CERK: variants seen among roughly 807,000 people sequenced by gnomAD.
CERK encodes the protein acylsphingosine kinase.
In CERK, 39 loss-of-function variants were observed where a neutral mutation model predicts 63.4. The observed-to-expected ratio is 0.61, with a 90% CI of 0.48 to 0.80. The LOEUF (loss-of-function observed/expected upper bound fraction) is 0.80. Ranked by LOEUF, CERK falls within the 30% of genes least tolerant of loss-of-function variation. The probability of loss-of-function intolerance (pLI) is 0.00; values close to 1 mark genes in which losing one functional copy is unlikely to be tolerated. For missense variants in CERK, 670 were observed against 714.1 expected (o/e 0.94, Z 0.70); for synonymous variants, 302 against 280.0 (o/e 1.08, Z -0.78).
In CERK at chr22:46,707,980, C is replaced by T; in HGVS notation, c.578G>A (p.Cys193Tyr). 4 of 1,605,844 alleles carry T rather than the reference C, an allele frequency of 2.5e-6. No individual in the cohort carries two copies. Among genetic ancestry groups the T allele is most frequent in the Non-Finnish European group, 3.4e-6 (4 of 1,174,206 alleles). ...INIDKYDGIV[C>Y]VGGDGMFSEV... ...GCTGAACATACCATCTCCGCCGACA[C>T]AGACGATGCTGCAGGAGGAACACAG... Residue 193 changes from cysteine to tyrosine, a missense_variant, in exon 6 of 13, where the codon TGT becomes TAT. By Grantham distance (194) the Cys-to-Tyr change is radical. Coordinates refer to ENST00000216264, the MANE Select transcript of CERK (RefSeq NM_022766.6).
rs372429405 is a variant in CERK at position 46,685,986 on chromosome 22, G to A, written c.*1148C>T. On this transcript the variant is annotated 3_prime_UTR_variant, in exon 13 of 13. Transcript: ENST00000216264. ...TTACAGACATCATCTACGTGGGCAC[G>A]GATACACACTAAACAAGGACGTAGT... is the stretch of plus-strand genomic sequence containing the variant. 6.6e-6 allele frequency: 1 copy of A among 152,118 alleles called. No homozygotes were observed. The highest frequency in any genetic ancestry group is 1.5e-5 in the Non-Finnish European group (1 of 68,048). The allele number at this position is 152,118 out of a possible 1,614,324, so 9.4% of individuals were successfully genotyped here.
At chr22:46,736,692 C>T (rs901668386) in intron 1 of CERK, among the ~76,000 whole-genome samples, 1 of 152,118 alleles carries the variant, frequency 6.6e-6, no homozygotes, top group Non-Finnish European at 1.5e-5. Flanking sequence ...TCTCAGATGC[C>T]CAGCCACAGA....
chr22:46,706,248 CAG>C (rs1000111192), intron 6 of CERK, among the ~76,000 whole-genome samples: 1 of 152,208 alleles, frequency 6.6e-6, no homozygotes, highest in Admixed American at 6.5e-5. Flanking sequence ...GTGGGGAAGA[CAG>C]ACATCAGCCA....
rs1445021566 is a variant in CERK, at chr22:46,738,153, G to A, written c.-5C>T. On this transcript the variant is annotated 5_prime_UTR_variant, in exon 1 of 13. Transcript: ENST00000216264. ...CGCCGCCCCCGTCGCCCCCATCTCC[G>A]CCGCCGGGCTCGTCCGCCAGGCTGG... is the stretch of plus-strand genomic sequence containing the variant. 8.5e-7 allele frequency: 1 copy of A among 1,179,280 alleles called. No individual in the cohort carries two copies. The allele number at this position is 1,179,280 out of a possible 1,614,324, so 73.1% of individuals were successfully genotyped here.
chr22:46,702,367 T>C (rs888015912), intron 6 of CERK, among the ~76,000 whole-genome samples: 1 of 151,126 alleles, frequency 6.6e-6, no homozygotes, highest in Non-Finnish European at 1.5e-5. Context: ...TGATCTTGGC[T>C]CACTGCAACC....
chr22:46,701,822 C>A, intron 6 of CERK, 112 bp from the exon 7 acceptor site: 1 of 685,328 alleles, frequency 1.5e-6, no homozygotes, highest in African/African-American at 1.8e-5. Flanking sequence ...CTAGAGTCAA[C>A]ACTAAGGAAT....
chr22:46,715,437 A>G lies in CERK; in HGVS notation c.380-3144T>C, dbSNP rs182601886. Among the ~76,000 whole-genome samples the G allele has an allele frequency of 7.9e-5, 12 of 152,360 alleles. No individual in the cohort carries two copies. The East Asian group carries it at 2.1e-3, about 27-fold the overall frequency. On this transcript the variant is annotated intron_variant, in intron 3 of 12. Coordinates refer to ENST00000216264, the MANE Select transcript of CERK (RefSeq NM_022766.6). Reference sequence around the variant, plus strand: ...ATACACAATTCTATCACATTTCTATACACAAACAATAAAAAATAAATAAAC... The same window carrying G: ...ATACACAATTCTATCACATTTCTATGCACAAACAATAAAAAATAAATAAAC...
At chr22:46,726,184 C>T (rs1037433616) in intron 1 of CERK, among the ~76,000 whole-genome samples, 19 of 152,226 alleles carry the variant, frequency 1.2e-4, no homozygotes, top group East Asian at 9.6e-4. Flanking sequence ...CCAGACCTCA[C>T]GCAGCCGTCG....
Position 46,693,448 on chromosome 22 carries a change from G to A in CERK, c.1105C>T (p.Leu369=). 2 of 1,614,132 alleles carry A rather than the reference G, an allele frequency of 1.2e-6. No individual in the cohort carries two copies. Among genetic ancestry groups the A allele is most frequent in the Non-Finnish European group, 1.7e-6 (2 of 1,179,992 alleles). The change falls in exon 10 of 13, where the codon CTG becomes TTG. Residue 369 remains leucine (L), a synonymous_variant. Transcript: ENST00000216264. ...QQLEEEQKKA[L]YGLEAAEDVE... ...TTACCCGCAGCTTCCAAACCATACA[G>A]TGCTTTCTTCTGCTCCTCCTCCAGC...
At chr22:46,691,050 CAT>C (rs1569318305) in intron 11 of CERK, among the ~76,000 whole-genome samples, 23 of 112,938 alleles carry the variant, frequency 2.0e-4, no homozygotes, top group African/African-American at 7.5e-4. Context: ...CACATGTATA[CAT>C]ACATACACAC....
At chr22:46,723,699 G>A (rs560291734) in intron 1 of CERK, among the ~76,000 whole-genome samples, 91 of 151,930 alleles carry the variant, frequency 6.0e-4, no homozygotes, top group African/African-American at 2.1e-3. Flanking sequence ...CACTAATGTG[G>A]GGTTTTCTTC....
intron 11 of CERK, 21 bp from the exon 12 acceptor site, chr22:46,690,221 G>T: frequency 6.2e-7 from 1 of 1,606,420 alleles, no homozygotes. Context: ...ACAGTGAGAG[G>T]GACCATTCAG....
At chr22:46,688,354 T>A (rs1378499611) in intron 12 of CERK, among the ~76,000 whole-genome samples, 1 of 152,216 alleles carries the variant, frequency 6.6e-6, no homozygotes, top group African/African-American at 2.4e-5. Context: ...ATTTTCAAAT[T>A]ATTCTATTTC....
intron 6 of CERK, among the ~76,000 whole-genome samples, chr22:46,705,459 G>A (rs1268447022): frequency 6.6e-6 from 1 of 151,588 alleles, no homozygotes; most frequent in Non-Finnish European, 1.5e-5. Flanking sequence ...ATCACTTGAG[G>A]TCAAGAGTTT....
intron 1 of CERK, among the ~76,000 whole-genome samples, chr22:46,724,177 T>C (rs560453608): frequency 6.6e-6 from 1 of 152,352 alleles, no homozygotes; most frequent in South Asian, 2.1e-4. Flanking sequence ...ATGATCCACT[T>C]CCACTTACCA....
At chr22:46,711,048 A>G in intron 5 of CERK, 38 bp downstream of exon 5, 3 of 1,566,578 alleles carry the variant, frequency 1.9e-6, no homozygotes, top group Non-Finnish European at 2.6e-6. Flanking sequence ...TTTTTCATTA[A>G]CAATGGACTT....
chr22:46,690,230 A>G (rs1189522728), intron 11 of CERK, 30 bp from the exon 12 acceptor site: 2 of 1,598,040 alleles, frequency 1.3e-6, no homozygotes, highest in African/African-American at 1.3e-5. Context: ...GGGACCATTC[A>G]GCTCTAAACG....
At chr22:46,726,450 G>A (rs960126529) in intron 1 of CERK, among the ~76,000 whole-genome samples, 7 of 152,110 alleles carry the variant, frequency 4.6e-5, no homozygotes, top group African/African-American at 1.7e-4. Context: ...CCCAGAAGTG[G>A]CACGGGCCAC....
intron 6 of CERK, among the ~76,000 whole-genome samples, chr22:46,707,109 C>G (rs1199678051): frequency 1.3e-5 from 2 of 152,110 alleles, no homozygotes; most frequent in African/African-American, 4.8e-5. Flanking sequence ...TGTCTTCATC[C>G]ATAAAATGGG....
Sources: gnomAD v4.1 joint callset for allele counts (sites outside exome capture counted in the v4.1 genomes callset) on GRCh38, gnomAD v4.1.1 for gene constraint, MANE v1.5 for transcripts, NCBI Gene and HGNC (gene_info 2026-07-23, HGNC 2026-07-21) for gene names.